Variants in CADM2 observed in about 807,000 individuals in gnomAD.
CADM2 encodes the protein cell adhesion molecule 2, also known as immunoglobulin superfamily member 4D.
A neutral mutation model predicts 49.8 loss-of-function variants in CADM2; 12 were observed. That is an observed-to-expected ratio of 0.24 (90% CI 0.15 to 0.39). CADM2 has a LOEUF of 0.39. Ranked by LOEUF, CADM2 falls within the 10% of genes least tolerant of loss-of-function variation. The probability of loss-of-function intolerance (pLI) is 1.00; values close to 1 mark genes in which losing one functional copy is unlikely to be tolerated. For synonymous variants in CADM2, 214 were observed against 175.4 expected (o/e 1.22, Z -1.74); for missense variants, 378 against 492.3 (o/e 0.77, Z 2.20).
At chr3:85,045,649 C>CT (rs34733796) in intron 1 of CADM2, among the ~76,000 whole-genome samples, 270 of 151,182 alleles carry the variant, frequency 1.8e-3, no homozygotes, top group African/African-American at 5.9e-3. Flanking sequence ...AATGTGTAGC[C>CT]TTTTTTTTTG....
chr3:85,905,139 G>C (rs1332967188), intron 5 of CADM2, among the ~76,000 whole-genome samples: 1 of 152,010 alleles, frequency 6.6e-6, no homozygotes, highest in Non-Finnish European at 1.5e-5. Context: ...TATGGTGAAT[G>C]CCTGAACTCC....
chr3:85,000,070 T>C (rs1014736551), intron 1 of CADM2, among the ~76,000 whole-genome samples: 4 of 151,916 alleles, frequency 2.6e-5, no homozygotes, highest in African/African-American at 9.7e-5. Context: ...ACAGGCATAT[T>C]ACTACTTTGG....
chr3:85,622,072 C>T (rs1431262194), intron 1 of CADM2, among the ~76,000 whole-genome samples: 1 of 152,144 alleles, frequency 6.6e-6, no homozygotes, highest in Non-Finnish European at 1.5e-5. Flanking sequence ...CAAACAATTG[C>T]TTACCTTATG....
chr3:85,147,115 A>G (rs1437138064), intron 1 of CADM2, among the ~76,000 whole-genome samples: 1 of 151,920 alleles, frequency 6.6e-6, no homozygotes, highest in African/African-American at 2.4e-5. Flanking sequence ...TCTACTAAAA[A>G]TACAAGAAAA....
chr3:85,260,037 T>A (rs2042980355), intron 1 of CADM2, among the ~76,000 whole-genome samples: 1 of 151,992 alleles, frequency 6.6e-6, no homozygotes, highest in Non-Finnish European at 1.5e-5. Flanking sequence ...TCTTCAAGAG[T>A]CCTGTTTGCT....
rs75256014 is a variant in CADM2, at chr3:85,883,310, C to G, written c.258C>G (p.Ile86Met). The change falls in exon 4 of 10, where the codon ATC becomes ATG. Residue 86 changes from isoleucine (I) to methionine (M), a missense_variant. Coordinates refer to ENST00000383699, the MANE Select transcript of CADM2 (RefSeq NM_001167675.2). ...DDKKALRDNR[I>M]ELVRASWHEL... ...TTCCAGCTTTAAGGGACAATAGGAT[C>G]GAGCTGGTTCGCGCTTCCTGGCATG... 6.2e-7 allele frequency: 1 copy of G among 1,612,680 alleles called. No homozygotes were observed. Among genetic ancestry groups the G allele is most frequent in the Non-Finnish European group, 8.5e-7 (1 of 1,179,250 alleles).
chr3:85,243,744 T>C (rs1427448366), intron 1 of CADM2, among the ~76,000 whole-genome samples: 4 of 151,996 alleles, frequency 2.6e-5, no homozygotes. Context: ...AATTAACATT[T>C]CTAGCTTTAT....
chr3:85,660,003 A>G (rs1276169077), intron 1 of CADM2, among the ~76,000 whole-genome samples: 1 of 152,146 alleles, frequency 6.6e-6, no homozygotes, highest in Non-Finnish European at 1.5e-5. Flanking sequence ...TTATTACTTT[A>G]AAACCTAAGA....
intron 8 of CADM2, chr3:86,014,902 T>C (rs1732017245): frequency 1.3e-6 from 2 of 1,530,284 alleles, no homozygotes; most frequent in South Asian, 2.3e-5. Context: ...ATTCTTCCTG[T>C]GATGACGGTT....
intron 1 of CADM2, among the ~76,000 whole-genome samples, chr3:85,354,358 T>TG (rs1009131797): frequency 5.3e-5 from 2 of 37,964 alleles, no homozygotes; most frequent in African/African-American, 1.1e-4. Context: ...TGTTGTGGGG[T>TG]GGGGGGAGGG....
At chr3:85,922,105 C>T (rs1719192994) in intron 6 of CADM2, among the ~76,000 whole-genome samples, 3 of 151,394 alleles carry the variant, frequency 2.0e-5, no homozygotes. Context: ...TCTTCCTCTT[C>T]CTTCTCCTCC....
chr3:85,394,480 C>G (rs188553273), intron 1 of CADM2, among the ~76,000 whole-genome samples: 1 of 152,030 alleles, frequency 6.6e-6, no homozygotes, highest in African/African-American at 2.4e-5. Flanking sequence ...TTTCTGATCT[C>G]ATTTTATTTA....
Position 85,912,307 on chromosome 3 carries a change from T to G in CADM2, c.530-66T>G. On this transcript the variant is annotated intron_variant, in intron 5 of 9. Coordinates refer to ENST00000383699, the MANE Select transcript of CADM2 (RefSeq NM_001167675.2). ...ATAGGGAGAAGCTGTTTCCATTATC[T>G]TGAGTAAATGCAATCTGTTTTATTT... is the stretch of plus-strand genomic sequence containing the variant. 4 of 1,214,266 alleles carry G rather than the reference T, an allele frequency of 3.3e-6. No homozygotes were observed. The South Asian group carries it at 6.5e-5, about 20-fold the overall frequency. 75.2% of individuals were successfully genotyped at this position (1,214,266 alleles called of 1,614,324 possible).
chr3:85,452,138 A>C (rs2037775552), intron 1 of CADM2, among the ~76,000 whole-genome samples: 1 of 152,084 alleles, frequency 6.6e-6, no homozygotes, highest in Admixed American at 6.5e-5. Flanking sequence ...CCCACAGGTT[A>C]TTATTTTGTT....
intron 1 of CADM2, among the ~76,000 whole-genome samples, chr3:85,195,220 T>G (rs1420321500): frequency 6.6e-6 from 1 of 152,132 alleles, no homozygotes; most frequent in Non-Finnish European, 1.5e-5. Flanking sequence ...TGTAGTTGAA[T>G]TGTTTGACTA....
intron 7 of CADM2, among the ~76,000 whole-genome samples, chr3:85,947,865 A>G (rs1019590551): frequency 6.6e-6 from 1 of 151,560 alleles, no homozygotes; most frequent in Non-Finnish European, 1.5e-5. Context: ...CAGAATCACG[A>G]TTATAGATCC....
chr3:85,115,185 C>G (rs1218148036), intron 1 of CADM2, among the ~76,000 whole-genome samples: 1 of 152,002 alleles, frequency 6.6e-6, no homozygotes, highest in East Asian at 1.9e-4. Flanking sequence ...TTCTTGCTAC[C>G]CTACAAGGTC....
intron 1 of CADM2, among the ~76,000 whole-genome samples, chr3:85,636,694 T>C (rs1013090732): frequency 6.6e-6 from 1 of 152,210 alleles, no homozygotes; most frequent in African/African-American, 2.4e-5. Flanking sequence ...CTATCAAATG[T>C]AGCATTTAAA....
intron 1 of CADM2, among the ~76,000 whole-genome samples, chr3:85,488,508 A>ATTAT (rs1302470257): frequency 2.6e-5 from 4 of 151,744 alleles, no homozygotes; most frequent in Non-Finnish European, 5.9e-5. Context: ...AGGTAATTTT[A>ATTAT]TTATTTATTT....
Sources: allele counts gnomAD v4.1 joint callset (sites outside exome capture counted in the v4.1 genomes callset), GRCh38; gene constraint gnomAD v4.1.1; transcripts MANE v1.5; gene names NCBI Gene and HGNC (gene_info 2026-07-23, HGNC 2026-07-21).